Variants in PRKAR2A observed in about 807,000 individuals in gnomAD.
The protein encoded by PRKAR2A is protein kinase cAMP-dependent type II regulatory subunit alpha, also known as cAMP-dependent protein kinase type II-alpha regulatory subunit.
PRKAR2A carries 29 observed loss-of-function variants against 51.9 expected under a neutral mutation model. That is an observed-to-expected ratio of 0.56 (90% confidence interval 0.42 to 0.76). The LOEUF is 0.76. Among genes scored for constraint, PRKAR2A ranks in the 30% least tolerant of loss-of-function variants. The pLI is 0.00. For missense variants in PRKAR2A, 445 were observed against 512.1 expected (o/e 0.87, Z 1.26); for synonymous variants, 178 against 186.2 (o/e 0.96, Z 0.36).
At chr3:48,804,282 G>A (rs1315286354) in intron 2 of PRKAR2A, among the ~76,000 whole-genome samples, 7 of 152,016 alleles carry the variant, frequency 4.6e-5, no homozygotes, top group Admixed American at 2.0e-4. Flanking sequence ...GCAACATGGC[G>A]AAACCCTGTC....
chr3:48,770,009 C>T (rs1330028289), intron 6 of PRKAR2A, among the ~76,000 whole-genome samples: 1 of 152,158 alleles, frequency 6.6e-6, no homozygotes, highest in Non-Finnish European at 1.5e-5. Flanking sequence ...TTCCTAGGCT[C>T]ATGTGATTTG....
At chr3:48,798,296 T>G (rs2082528609) in intron 2 of PRKAR2A, among the ~76,000 whole-genome samples, 1 of 152,178 alleles carries the variant, frequency 6.6e-6, no homozygotes, top group Admixed American at 6.6e-5. Context: ...TCTTGGGTAT[T>G]CTAGTAGGAA....
In PRKAR2A at chr3:48,768,537, C is replaced by T. The variant is rs183095385; in HGVS notation, c.697-3188G>A. On this transcript the variant is annotated intron_variant, in intron 6 of 10. Transcript: ENST00000265563. ...ACATGGTGAAATCTCGTGTCTACTA[C>T]AAATACAAAAATTAGCTGGGCATGG... 1.8e-3 allele frequency among the ~76,000 whole-genome samples: 263 copies of T among 148,214 alleles called. 1 individual carries two copies. The highest frequency in any genetic ancestry group is 6.2e-3 in the African/African-American group (250 of 40,222).
At chr3:48,837,580 G>A (rs1439602254) in intron 1 of PRKAR2A, among the ~76,000 whole-genome samples, 2 of 152,088 alleles carry the variant, frequency 1.3e-5, no homozygotes, top group African/African-American at 4.8e-5. Context: ...ATATGGCCCA[G>A]CAATTCTACT....
At chr3:48,776,649 T>G (rs2082109842) in intron 5 of PRKAR2A, among the ~76,000 whole-genome samples, 2 of 152,244 alleles carry the variant, frequency 1.3e-5, no homozygotes, top group Admixed American at 1.3e-4. Context: ...GAGACCAGCC[T>G]GGCCAACATG....
Position 48,847,071 on chromosome 3 carries a change from C to A in PRKAR2A, c.262+264G>T, listed in dbSNP as rs529393578. On this transcript the variant is annotated intron_variant, in intron 1 of 10. Coordinates refer to ENST00000265563, the MANE Select transcript of PRKAR2A (RefSeq NM_004157.4). This position sits in a 1 kb window ranked among gnomAD's most constrained non-coding sequence, Gnocchi z 4.4. ...AAGGCGAGGGATCCTCTAGCAGGGC[C>A]GACAGCGCGCACGTTTCCTTCAAGG... Among the ~76,000 whole-genome samples the A allele has an allele frequency of 3.9e-5, 6 of 152,230 alleles. No homozygotes were observed. The highest frequency in any genetic ancestry group is 8.8e-5 in the Non-Finnish European group (6 of 68,044).
In PRKAR2A at chr3:48,794,034, T is replaced by C; in HGVS notation, c.314A>G (p.Tyr105Cys). The stretch of plus-strand genomic sequence containing the variant: ...ATCTTCCTCTTCCTCATCAGGGTTA[T>C]AGGTCTCAGCACAGACTAAAATTGG... ...NRRVSVCAET[Y>C]NPDEEEEDTD... Residue 105 changes from tyrosine (Y) to cysteine (C), a missense_variant, in exon 3 of 11, where the codon TAT (tyrosine) becomes TGT (cysteine). Transcript: ENST00000265563. The C allele has an allele frequency of 1.2e-6, 2 of 1,605,692 alleles. No individual in the cohort carries two copies. Among genetic ancestry groups the C allele is most frequent in the African/African-American group, 1.3e-5 (1 of 74,856 alleles).
intron 1 of PRKAR2A, among the ~76,000 whole-genome samples, chr3:48,822,311 G>A (rs990332779): frequency 1.3e-5 from 2 of 151,676 alleles, no homozygotes; most frequent in Non-Finnish European, 2.9e-5. Context: ...ATATGGTGAT[G>A]TTCCTTCCCT....
intron 3 of PRKAR2A, among the ~76,000 whole-genome samples, chr3:48,791,206 G>C (rs1425794661): frequency 7.1e-6 from 1 of 141,104 alleles, no homozygotes; most frequent in East Asian, 2.3e-4. Flanking sequence ...AGAATCGCTT[G>C]AACCATGGAG....
At chr3:48,815,442 A>C (rs1026823230) in intron 1 of PRKAR2A, among the ~76,000 whole-genome samples, 1 of 151,638 alleles carries the variant, frequency 6.6e-6, no homozygotes, top group African/African-American at 2.4e-5. Context: ...CACACCTGTA[A>C]TCCCAGCACT....
At chr3:48,768,047 G>A (rs1364294162) in intron 6 of PRKAR2A, among the ~76,000 whole-genome samples, 1 of 152,080 alleles carries the variant, frequency 6.6e-6, no homozygotes, top group Non-Finnish European at 1.5e-5. Flanking sequence ...AGCACTTTGG[G>A]AGGCTGAGGT....
At chr3:48,758,517 A>T (rs1383314139) in intron 8 of PRKAR2A, among the ~76,000 whole-genome samples, 2 of 142,676 alleles carry the variant, frequency 1.4e-5, no homozygotes, top group Non-Finnish European at 3.0e-5. Flanking sequence ...CAGGAGGTGG[A>T]GGTCGCAGTA....
In PRKAR2A at chr3:48,790,529, AGAAATCAATGTTACCT is replaced by A; in HGVS notation, c.434_435+14del. The A allele has an allele frequency of 6.6e-7, 1 of 1,506,270 alleles. No homozygotes were observed. Among genetic ancestry groups the A allele is most frequent in the Non-Finnish European group, 8.9e-7 (1 of 1,123,364 alleles). The allele number at this position is 1,506,270 out of a possible 1,614,324, so 93.3% of individuals were successfully genotyped here. A position where few individuals can be genotyped will look rare whatever the true frequency, so the allele number is the denominator to read the frequency against. On this transcript the variant is annotated splice_donor_variant and splice_donor_5th_base_variant and coding_sequence_variant and intron_variant, in exon 4 of 11. Coordinates refer to ENST00000265563, the MANE Select transcript of PRKAR2A (RefSeq NM_004157.4). LOFTEE classifies it high-confidence loss of function. ...AAGATCATTATAATAAAAATACTTT[AGAAATCAATGTTACCT>A]GATCAAGATTTTTGAAAAGGAGAAT...
intron 5 of PRKAR2A, among the ~76,000 whole-genome samples, chr3:48,773,362 G>A: frequency 7.4e-5 from 2 of 26,958 alleles, no homozygotes; most frequent in South Asian, 1.6e-3. Flanking sequence ...TTTTTTTTTT[G>A]AGACGGAGTC....
At chr3:48,772,687 C>T (rs563704401) in intron 6 of PRKAR2A, among the ~76,000 whole-genome samples, 12 of 152,198 alleles carry the variant, frequency 7.9e-5, no homozygotes, top group Non-Finnish European at 1.8e-4. Context: ...GTCGCCCAGG[C>T]TGGAGTACAG....
In PRKAR2A at chr3:48,847,501, G is replaced by T; in HGVS notation, c.96C>A (p.Phe32Leu). Reference sequence around the variant, plus strand: ...GCAGGCGGGTGAAGTACTCCACTGCGAATTCGACGAGGTCAGGCGGCTGCT... The same window carrying T: ...GCAGGCGGGTGAAGTACTCCACTGCTAATTCGACGAGGTCAGGCGGCTGCT... Reference protein sequence around the residue: ...LRQQPPDLVEFAVEYFTRLRE... With the variant: ...LRQQPPDLVELAVEYFTRLRE... Residue 32 changes from phenylalanine to leucine, a missense_variant, in exon 1 of 11, where the codon TTC becomes TTA. Phe to Leu is a conservative substitution (Grantham distance 22). Transcript: ENST00000265563. The surrounding 1 kb of genome is among the most constrained non-coding windows in gnomAD (Gnocchi z 4.4). The T allele has an allele frequency of 6.4e-7, 1 of 1,557,000 alleles. No homozygotes were observed.
intron 8 of PRKAR2A, among the ~76,000 whole-genome samples, chr3:48,758,894 T>C (rs940871864): frequency 2.6e-5 from 4 of 152,112 alleles, no homozygotes; most frequent in African/African-American, 7.2e-5. Flanking sequence ...GCGTGAGTAG[T>C]TGGTAGATTC....
At chr3:48,845,645 G>A (rs752796641) in intron 1 of PRKAR2A, among the ~76,000 whole-genome samples, 2 of 152,206 alleles carry the variant, frequency 1.3e-5, no homozygotes, top group Non-Finnish European at 2.9e-5. Context: ...GCGTAGATCA[G>A]ATGTAGAAAG....
intron 4 of PRKAR2A, among the ~76,000 whole-genome samples, chr3:48,788,177 C>T (rs763753782): frequency 4.6e-5 from 7 of 152,136 alleles, no homozygotes; most frequent in East Asian, 1.9e-4. Flanking sequence ...ACTACAGGTG[C>T]GCGCCACCAC....
Sources: gnomAD v4.1 joint callset for allele counts (sites outside exome capture counted in the v4.1 genomes callset) on GRCh38, gnomAD v4.1.1 for gene constraint, Gnocchi (gnomAD v3.1) non-coding constraint, MANE v1.5 for transcripts, NCBI Gene and HGNC (gene_info 2026-07-23, HGNC 2026-07-21) for gene names.